TMEM132B: variants seen among roughly 807,000 people sequenced by gnomAD.
TMEM132B encodes the protein transmembrane protein 132B.
In TMEM132B, 18 loss-of-function variants were observed where a neutral mutation model predicts 90.8. The observed-to-expected ratio is 0.20, with a 90% CI of 0.14 to 0.29. TMEM132B has a LOEUF of 0.29. Ranked by LOEUF, TMEM132B falls within the 10% of genes least tolerant of loss-of-function variation. TMEM132B has a pLI of 1.00. For synonymous variants in TMEM132B, 504 were observed against 523.3 expected, an observed-to-expected ratio of 0.96 and a Z score of 0.50; for missense variants, 1,096 against 1,326.8, an observed-to-expected ratio of 0.83 and a Z score of 2.70.
At chr12:125,372,823 C>T (rs911640999) in intron 2 of TMEM132B, among the ~76,000 whole-genome samples, 7 of 152,150 alleles carry the variant, frequency 4.6e-5, no homozygotes, top group South Asian at 2.1e-4. Flanking sequence ...TGTCATCTCC[C>T]GCAGCGTTCT....
chr12:125,358,958 A>T (rs1397919710), intron 2 of TMEM132B, among the ~76,000 whole-genome samples: 1 of 152,202 alleles, frequency 6.6e-6, no homozygotes, highest in African/African-American at 2.4e-5. Context: ...GCTCTTCCTG[A>T]TCACTTCTTA....
chr12:125,584,347 T>C (rs572548520), intron 5 of TMEM132B: 9 of 237,148 alleles, frequency 3.8e-5, no homozygotes, highest in African/African-American at 2.0e-4. Context: ...TTCTCATTTT[T>C]TGCAAACTCA....
chr12:125,423,359 G>A (rs1474226854), intron 3 of TMEM132B, among the ~76,000 whole-genome samples: 8 of 152,278 alleles, frequency 5.3e-5, no homozygotes, highest in South Asian at 2.1e-4. Flanking sequence ...AGGGAAATGC[G>A]TCGTGCACAG....
intron 3 of TMEM132B, among the ~76,000 whole-genome samples, chr12:125,432,528 T>TGTATGTGTATAGAG: frequency 2.6e-5 from 1 of 39,124 alleles, no homozygotes; most frequent in South Asian, 9.3e-4. Flanking sequence ...TATATATATA[T>TGTATGTGTATAGAG]AGAGAGAGAG....
At chr12:125,607,819 T>A (rs1885732677) in intron 5 of TMEM132B, among the ~76,000 whole-genome samples, 1 of 152,244 alleles carries the variant, frequency 6.6e-6, no homozygotes, top group Non-Finnish European at 1.5e-5. Context: ...TCCATTTATT[T>A]GTCTATTCTG....
chr12:125,568,751 A>T (rs1884721152), intron 4 of TMEM132B, among the ~76,000 whole-genome samples: 1 of 152,220 alleles, frequency 6.6e-6, no homozygotes, highest in South Asian at 2.1e-4. Context: ...TATCCTAAAG[A>T]AGCGGGTGTG....
intron 3 of TMEM132B, among the ~76,000 whole-genome samples, chr12:125,508,388 T>G (rs1293793907): frequency 2.0e-5 from 3 of 152,170 alleles, no homozygotes; most frequent in Non-Finnish European, 4.4e-5. Flanking sequence ...TGTAATCCTT[T>G]GTGCGTGATG....
chr12:125,259,295 C>A (rs1042879147), intron 1 of TMEM132B, among the ~76,000 whole-genome samples: 2 of 152,172 alleles, frequency 1.3e-5, no homozygotes, highest in African/African-American at 4.8e-5. Flanking sequence ...TAACAGGATG[C>A]CCGGCATCTA....
At chr12:125,599,221 C>A (rs1187543914) in intron 5 of TMEM132B, among the ~76,000 whole-genome samples, 1 of 152,162 alleles carries the variant, frequency 6.6e-6, no homozygotes, top group African/African-American at 2.4e-5. Flanking sequence ...TTATAAAGGG[C>A]AGTTCCCCTG....
chr12:125,471,165 G>T (rs531734274), intron 3 of TMEM132B, among the ~76,000 whole-genome samples: 1 of 152,364 alleles, frequency 6.6e-6, no homozygotes, highest in African/African-American at 2.4e-5. Context: ...TCACTTCAGG[G>T]GATTTGCCGA....
At chr12:125,220,540 A>G (rs919434381) in intron 1 of TMEM132B, among the ~76,000 whole-genome samples, 4 of 152,224 alleles carry the variant, frequency 2.6e-5, no homozygotes, top group Non-Finnish European at 4.4e-5. Flanking sequence ...AAGTGACGAT[A>G]GCGATTCAGG....
intron 5 of TMEM132B, among the ~76,000 whole-genome samples, chr12:125,617,350 T>C (rs1886012992): frequency 6.6e-6 from 1 of 151,556 alleles, no homozygotes; most frequent in Non-Finnish European, 1.5e-5. Flanking sequence ...TGCCCTTTTT[T>C]TTTTTTTTTT....
At chr12:125,534,956 G>C (rs1186827653) in intron 4 of TMEM132B, among the ~76,000 whole-genome samples, 1 of 152,212 alleles carries the variant, frequency 6.6e-6, no homozygotes, top group African/African-American at 2.4e-5. Flanking sequence ...CACAGATATA[G>C]AATCTTCTAG....
chr12:125,421,112 C>T (rs1242247537), intron 3 of TMEM132B, among the ~76,000 whole-genome samples: 2 of 152,222 alleles, frequency 1.3e-5, no homozygotes, highest in Non-Finnish European at 2.9e-5. Context: ...AAGTTCCAAA[C>T]TTTCCCACAT....
chr12:125,268,557 C>T (rs755408295), intron 1 of TMEM132B, among the ~76,000 whole-genome samples: 38 of 152,166 alleles, frequency 2.5e-4, no homozygotes, highest in Non-Finnish European at 4.4e-4. Context: ...AACCAAACCA[C>T]GTGCAGAACA....
intron 3 of TMEM132B, among the ~76,000 whole-genome samples, chr12:125,485,945 G>A (rs376187205): frequency 9.3e-4 from 141 of 152,170 alleles, no homozygotes; most frequent in Admixed American, 3.0e-3. Context: ...TCCACTTACC[G>A]TGCAGTCTAA....
chr12:125,261,252 A>C (rs749464834), intron 1 of TMEM132B, among the ~76,000 whole-genome samples: 1 of 152,224 alleles, frequency 6.6e-6, no homozygotes, highest in Non-Finnish European at 1.5e-5. Flanking sequence ...GTAAGGGCAC[A>C]TACAAGAAAG....
At chr12:125,269,710 C>T (rs1226374826) in intron 1 of TMEM132B, among the ~76,000 whole-genome samples, 2 of 152,162 alleles carry the variant, frequency 1.3e-5, no homozygotes, top group Non-Finnish European at 2.9e-5. Flanking sequence ...AGGTTGGCTG[C>T]AGGGAACTGA....
At chr12:125,273,021 G>A (rs1477256788) in intron 1 of TMEM132B, among the ~76,000 whole-genome samples, 1 of 152,148 alleles carries the variant, frequency 6.6e-6, no homozygotes, top group Non-Finnish European at 1.5e-5. Flanking sequence ...CTCTATATAT[G>A]TAATTCTGTT....
Sources: gnomAD v4.1 joint callset for allele counts (sites outside exome capture counted in the v4.1 genomes callset) on GRCh38, gnomAD v4.1.1 for gene constraint, MANE v1.5 for transcripts, NCBI Gene and HGNC (gene_info 2026-07-23, HGNC 2026-07-21) for gene names.